Variants in TPTE2 observed in about 807,000 individuals in gnomAD.
The protein encoded by TPTE2 is phosphatidylinositol 3,4,5-trisphosphate 3-phosphatase TPTE2.
In TPTE2, 53 loss-of-function variants were observed where a neutral mutation model predicts 78.6. The observed-to-expected ratio is 0.67, with a 90% CI of 0.54 to 0.85. TPTE2 has a LOEUF of 0.85. TPTE2 is among the 40% of genes least tolerant of loss of function. The pLI is 0.00. For synonymous variants in TPTE2, 175 were observed against 206.2 expected, an observed-to-expected ratio of 0.85 and a Z score of 1.30; for missense variants, 461 against 623.0, an observed-to-expected ratio of 0.74 and a Z score of 2.77.
chr13:19,499,160 T>A (rs1392676212), intron 1 of TPTE2, among the ~76,000 whole-genome samples: 1 of 151,488 alleles, frequency 6.6e-6, no homozygotes. Context: ...AAGTCCTGAG[T>A]GACCTACAAA....
the TPTE2 span, among the ~76,000 whole-genome samples, chr13:19,550,146 C>A: frequency 6.7e-6 from 1 of 148,306 alleles, no homozygotes; most frequent in East Asian, 2.0e-4. Flanking sequence ...ACCCCTGAAC[C>A]TAAAAGTTGG....
chr13:19,484,542 G>T (rs1220302607), intron 3 of TPTE2, among the ~76,000 whole-genome samples: 1 of 152,104 alleles, frequency 6.6e-6, no homozygotes, highest in Non-Finnish European at 1.5e-5. Context: ...TAGATGATTT[G>T]CCCAATGCTG....
intron 1 of TPTE2, among the ~76,000 whole-genome samples, chr13:19,518,232 G>C (rs1869925155): frequency 1.3e-5 from 2 of 152,144 alleles, no homozygotes; most frequent in Admixed American, 1.3e-4. Flanking sequence ...AGAGGATTTT[G>C]AATATTCTTA....
At chr13:19,492,081 T>C (rs1291712689) in intron 3 of TPTE2, among the ~76,000 whole-genome samples, 1 of 152,142 alleles carries the variant, frequency 6.6e-6, no homozygotes, top group African/African-American at 2.4e-5. Context: ...TACACTATAA[T>C]TAACTTGAAT....
At chr13:19,428,832 A>C (rs781134344) in intron 17 of TPTE2, among the ~76,000 whole-genome samples, 27 of 152,164 alleles carry the variant, frequency 1.8e-4, no homozygotes, top group South Asian at 8.3e-4. Flanking sequence ...TTTGGAATGA[A>C]GTCTGCTGGT....
exon 1 of TPTE2, chr13:19,503,267 T>C (rs1193166383): frequency 6.2e-7 from 1 of 1,613,680 alleles, no homozygotes; most frequent in Admixed American, 1.7e-5. Context: ...GATAATTCAT[T>C]TGTGGGTGGA....
intron 10 of TPTE2, among the ~76,000 whole-genome samples, chr13:19,455,786 A>T (rs1758710770): frequency 1.3e-5 from 2 of 152,276 alleles, no homozygotes; most frequent in African/African-American, 4.8e-5. Context: ...GAATAACAGA[A>T]AAACATTTTT....
upstream of TPTE2, among the ~76,000 whole-genome samples, chr13:19,507,454 G>T (rs1015891548): frequency 4.6e-5 from 7 of 152,160 alleles, no homozygotes; most frequent in African/African-American, 1.7e-4. Context: ...TGAAAACAGG[G>T]AAGGGCTGAA....
chr13:19,477,443 G>A lies in TPTE2; in HGVS notation c.180-1820C>T, dbSNP rs1330667268. Reference sequence around the variant, plus strand: ...CTGAGATAAAGGAAATCCCCAATCCGTCTAATCTTCCCCTCTCCACCTGGA... The same window carrying A: ...CTGAGATAAAGGAAATCCCCAATCCATCTAATCTTCCCCTCTCCACCTGGA... On this transcript the variant is annotated intron_variant, in intron 4 of 19. Coordinates refer to ENST00000400230, the Ensembl canonical transcript of TPTE2. 6.6e-5 allele frequency among the ~76,000 whole-genome samples: 10 copies of A among 152,134 alleles called. 1 individual carries two copies. Among genetic ancestry groups the A allele is most frequent in the Admixed American group, 1.3e-4 (2 of 15,268 alleles).
chr13:19,501,611 G>C (rs2137669568), intron 1 of TPTE2, among the ~76,000 whole-genome samples: 1 of 152,144 alleles, frequency 6.6e-6, no homozygotes, highest in South Asian at 2.1e-4. Context: ...GTAGAAAGCA[G>C]AAACTGGATC....
chr13:19,451,253 T>A, intron 10 of TPTE2, 28 bp from the exon 14 acceptor site: 1 of 1,612,842 alleles, frequency 6.2e-7, no homozygotes, highest in Non-Finnish European at 8.5e-7. Context: ...ATATCTTACA[T>A]ATTTACATGG....
At chr13:19,476,895 T>C (rs1879979803) in intron 4 of TPTE2, among the ~76,000 whole-genome samples, 1 of 152,126 alleles carries the variant, frequency 6.6e-6, no homozygotes, top group Non-Finnish European at 1.5e-5. Context: ...CATTCTACTA[T>C]AAAGATACAT....
the TPTE2 span, among the ~76,000 whole-genome samples, chr13:19,544,342 T>C: frequency 6.6e-6 from 1 of 152,092 alleles, no homozygotes; most frequent in African/African-American, 2.4e-5. Flanking sequence ...TAAGATAACG[T>C]AGATCAACAG....
chr13:19,467,205 G>A lies in TPTE2; in HGVS notation c.512+20C>T, dbSNP rs372618368. ...AAAGTAATGAAAAACTTTAAGAGAG[G>A]TAAGTCTTATGTTTCATACCTGGGA... On this transcript the variant is annotated intron_variant, in intron 7 of 19. Transcript: ENST00000400230. The A allele has an allele frequency of 8.3e-6, 13 of 1,563,756 alleles. No individual in the cohort carries two copies. The Admixed American group carries it at 9.1e-5, about 11-fold the overall frequency.
chr13:19,425,708 T>C (rs762173843), intron 18 of TPTE2: 5 of 514,126 alleles, frequency 9.7e-6, no homozygotes, highest in Non-Finnish European at 1.9e-5. Flanking sequence ...GCACCTTACA[T>C]CCCAATAAAG....
chr13:19,490,047 T>C lies in TPTE2; in HGVS notation c.119+2803A>G, dbSNP rs567793384. Among the ~76,000 whole-genome samples the C allele has an allele frequency of 8.6e-4, 131 of 152,300 alleles. 3 individuals are homozygous for C. The South Asian group carries it at 0.027, about 31-fold the overall frequency. ...TATGTCAATGATTTGGAATCTACTA[T>C]TAATATATCATTTTTTCCTAGAAGA... On this transcript the variant is annotated intron_variant, in intron 3 of 19. Coordinates refer to ENST00000400230, the Ensembl canonical transcript of TPTE2.
At chr13:19,522,629 T>C (rs1870232364) in intron 1 of TPTE2, among the ~76,000 whole-genome samples, 1 of 146,434 alleles carries the variant, frequency 6.8e-6, no homozygotes, top group South Asian at 2.2e-4. Flanking sequence ...CTTTTTTTTT[T>C]TTTTTTTCTT....
exon 11 of TPTE2, chr13:19,451,216 G>C (rs745435268): frequency 2.5e-6 from 4 of 1,613,284 alleles, no homozygotes; most frequent in Non-Finnish European, 3.4e-6. Flanking sequence ...TCTAGAAACC[G>C]CACAACTTCC....
the TPTE2 span, among the ~76,000 whole-genome samples, chr13:19,551,449 G>A: frequency 6.6e-6 from 1 of 151,998 alleles, no homozygotes; most frequent in Non-Finnish European, 1.5e-5. Flanking sequence ...AATTAGCTGG[G>A]TGTGGTGACA....
Sources: gnomAD v4.1 joint callset for allele counts (sites outside exome capture counted in the v4.1 genomes callset) on GRCh38, gnomAD v4.1.1 for gene constraint, MANE v1.5 for transcripts, NCBI Gene and HGNC (gene_info 2026-07-23, HGNC 2026-07-21) for gene names.